The following ARID4B variants were observed in gnomAD, a reference collection of about 807,000 sequenced individuals.
ARID4B encodes AT-rich interactive domain-containing protein 4B.
Under a neutral mutation model 147.5 loss-of-function variants are expected in ARID4B, and 26 were observed. The ratio of observed to expected loss-of-function variants is 0.18; its 90% CI spans 0.13 to 0.24. ARID4B has a LOEUF of 0.24. Ranked by LOEUF, ARID4B falls within the 10% of genes least tolerant of loss-of-function variation. The probability of loss-of-function intolerance (pLI) is 1.00; values close to 1 mark genes in which losing one functional copy is unlikely to be tolerated. For missense variants in ARID4B, 1,179 were observed against 1,511.5 expected (o/e 0.78, Z 3.65); for synonymous variants, 512 against 507.9 (o/e 1.01, Z -0.11).
intron 8 of ARID4B, among the ~76,000 whole-genome samples, chr1:235,239,916 G>A (rs1243223835): frequency 2.0e-5 from 3 of 152,140 alleles, no homozygotes; most frequent in Non-Finnish European, 4.4e-5. Flanking sequence ...TAAAAGGCAA[G>A]ATTAAGATCA....
At chr1:235,270,316 T>G (rs1157358650) in intron 2 of ARID4B, among the ~76,000 whole-genome samples, 2 of 152,170 alleles carry the variant, frequency 1.3e-5, no homozygotes, top group East Asian at 3.9e-4. Context: ...ACAAAAAAAC[T>G]CAACCCCTTC....
chr1:235,294,794 G>A (rs11801073), intron 2 of ARID4B, among the ~76,000 whole-genome samples: 44,091 of 150,260 alleles, frequency 0.29, 7,645 homozygotes, highest in South Asian at 0.53. Flanking sequence ...GGTTACAGGC[G>A]CAAGCCACCG....
At chr1:235,251,462 C>T (rs1274721149) in intron 6 of ARID4B, among the ~76,000 whole-genome samples, 1 of 151,868 alleles carries the variant, frequency 6.6e-6, no homozygotes, top group Non-Finnish European at 1.5e-5. Context: ...AAGGGATAGG[C>T]TGGAATTATA....
chr1:235,302,379 A>G (rs1196344805), intron 2 of ARID4B, among the ~76,000 whole-genome samples: 2 of 151,646 alleles, frequency 1.3e-5, no homozygotes, highest in Non-Finnish European at 2.9e-5. Context: ...AGAAAGACAG[A>G]AAGAATTTAG....
chr1:235,274,993 T>TTGTGTGTGTGTGTGTGTGTG (rs72168611), intron 2 of ARID4B, among the ~76,000 whole-genome samples: 1 of 148,422 alleles, frequency 6.7e-6, no homozygotes, highest in African/African-American at 2.5e-5. Context: ...AGGCCTAATT[T>TTGTGTGTGTGTGTGTGTGTG]TGTGTGTGTG....
At chr1:235,212,755 A>G (rs548994314) in intron 17 of ARID4B, among the ~76,000 whole-genome samples, 13 of 152,226 alleles carry the variant, frequency 8.5e-5, no homozygotes, top group Non-Finnish European at 1.6e-4. Flanking sequence ...TTCTTTAGAG[A>G]AAGGGCATTG....
chr1:235,297,003 T>G (rs1479095701), intron 2 of ARID4B, among the ~76,000 whole-genome samples: 2 of 152,108 alleles, frequency 1.3e-5, no homozygotes, highest in African/African-American at 4.8e-5. Flanking sequence ...CTTGTTCTTT[T>G]CTTTTTATAT....
chr1:235,293,787 T>C (rs1221059778), intron 2 of ARID4B, among the ~76,000 whole-genome samples: 1 of 152,190 alleles, frequency 6.6e-6, no homozygotes, highest in Non-Finnish European at 1.5e-5. Context: ...TAACATCTAT[T>C]TCCATGGTAA....
At chr1:235,206,658 CG>C (rs1666324878) in intron 17 of ARID4B, among the ~76,000 whole-genome samples, 1 of 152,040 alleles carries the variant, frequency 6.6e-6, no homozygotes, top group South Asian at 2.1e-4. Context: ...AAGCATATCA[CG>C]GAAGGAGTGA....
chr1:235,169,230 G>GTTT lies in ARID4B; in HGVS notation c.3812-581_3812-579dup, dbSNP rs551988389. Reference sequence around the variant, plus strand: ...AAGTCTCTCACTGTTTCCTTTTTTCGTTTTTTTTTGTTTGTTTGTTTTTTG... The same window carrying GTTT: ...AAGTCTCTCACTGTTTCCTTTTTTCGTTTTTTTTTTTTGTTTGTTTGTTTTTTG... On this transcript the variant is annotated intron_variant, in intron 23 of 23. Coordinates refer to ENST00000264183, the MANE Select transcript of ARID4B (RefSeq NM_016374.6). Among the ~76,000 whole-genome samples the GTTT allele has an allele frequency of 5.2e-3, 764 of 147,946 alleles. 8 individuals are homozygous for GTTT. Among genetic ancestry groups the GTTT allele is most frequent in the African/African-American group, 0.018 (731 of 40,452 alleles).
intron 13 of ARID4B, among the ~76,000 whole-genome samples, chr1:235,222,668 G>GA (rs925367725): frequency 8.6e-5 from 12 of 139,806 alleles, no homozygotes; most frequent in Non-Finnish European, 1.5e-5. Context: ...AAGCTGATAT[G>GA]AAAAAAAATC....
chr1:235,242,927 G>A (rs1024430289), intron 7 of ARID4B, among the ~76,000 whole-genome samples: 2 of 151,712 alleles, frequency 1.3e-5, no homozygotes, highest in African/African-American at 2.4e-5. Context: ...TTTTCATTTT[G>A]CTCTTCATTT....
At chr1:235,272,633 C>T (rs1176116958) in intron 2 of ARID4B, among the ~76,000 whole-genome samples, 1 of 151,922 alleles carries the variant, frequency 6.6e-6, no homozygotes, top group Non-Finnish European at 1.5e-5. Flanking sequence ...CTTATCTGAG[C>T]ATAGCTTCAC....
intron 2 of ARID4B, among the ~76,000 whole-genome samples, chr1:235,325,324 T>A (rs557312499): frequency 6.6e-6 from 1 of 151,754 alleles, no homozygotes; most frequent in African/African-American, 2.4e-5. Context: ...CTTTTAAGGC[T>A]AAAGTTTCCA....
chr1:235,168,601 G>C lies in ARID4B; in HGVS notation c.3863C>G (p.Ala1288Gly), dbSNP rs756450639. ...TTCAGCTAAAGTTAACATAACAGCA[G>C]CTGTTATGGAACTGGATGAAGGTGA... Reference protein sequence around the residue: ...SSSPSSSSITAAVMLTLAEPS... With the variant: ...SSSPSSSSITGAVMLTLAEPS... Residue 1288 changes from alanine to glycine, a missense_variant, in exon 24 of 24, where the codon GCT becomes GGT. Physicochemically the swap from Ala to Gly is moderately conservative, Grantham distance 60. Transcript: ENST00000264183. The C allele has an allele frequency of 6.2e-7, 1 of 1,614,114 alleles. No homozygotes were observed. The highest frequency in any genetic ancestry group is 8.5e-7 in the Non-Finnish European group (1 of 1,179,986).
intron 19 of ARID4B, among the ~76,000 whole-genome samples, chr1:235,184,343 C>T (rs1361182109): frequency 6.6e-6 from 1 of 151,752 alleles, no homozygotes; most frequent in Non-Finnish European, 1.5e-5. Flanking sequence ...AACAATGCTA[C>T]GAGATACATG....
intron 2 of ARID4B, among the ~76,000 whole-genome samples, chr1:235,290,431 A>C (rs1478319596): frequency 1.5e-5 from 2 of 131,996 alleles, no homozygotes; most frequent in Non-Finnish European, 3.4e-5. Flanking sequence ...AGATTCCATC[A>C]CCAAAAAAAA....
intron 20 of ARID4B, among the ~76,000 whole-genome samples, chr1:235,178,891 T>C (rs1300425763): frequency 1.3e-5 from 2 of 152,128 alleles, no homozygotes; most frequent in East Asian, 3.9e-4. Context: ...CTTACAACTT[T>C]TCCTAATACC....
chr1:235,199,202 A>G (rs566307295), intron 17 of ARID4B, among the ~76,000 whole-genome samples: 9 of 152,322 alleles, frequency 5.9e-5, no homozygotes, highest in Admixed American at 1.3e-4. Flanking sequence ...AGCAAACATA[A>G]TGTATAATAA....
Sources: allele counts gnomAD v4.1 joint callset (sites outside exome capture counted in the v4.1 genomes callset), GRCh38; gene constraint gnomAD v4.1.1; transcripts MANE v1.5; gene names NCBI Gene and HGNC (gene_info 2026-07-23, HGNC 2026-07-21).